ZNF532: variants seen among roughly 807,000 people sequenced by gnomAD.
The protein encoded by ZNF532 is zinc finger protein 532.
ZNF532 carries 22 observed loss-of-function variants against 89.3 expected under a neutral mutation model. That is an observed-to-expected ratio of 0.25 (90% CI 0.18 to 0.35). The LOEUF (loss-of-function observed/expected upper bound fraction) is 0.35, where lower values mean the gene tolerates loss of function less well. Among genes scored for constraint, ZNF532 ranks in the 10% least tolerant of loss-of-function variants. The pLI is 1.00. For synonymous variants in ZNF532, 606 were observed against 649.6 expected (o/e 0.93, Z 1.02); for missense variants, 1,132 against 1,643.4 (o/e 0.69, Z 5.38).
chr18:58,899,747 G>A (rs1321933322), intron 2 of ZNF532, among the ~76,000 whole-genome samples: 4 of 152,290 alleles, frequency 2.6e-5, no homozygotes, highest in African/African-American at 9.6e-5. Flanking sequence ...GATGACAGGC[G>A]TGAGCCACTG....
At chr18:58,868,058 T>C (rs2056638941) in intron 2 of ZNF532, among the ~76,000 whole-genome samples, 1 of 152,232 alleles carries the variant, frequency 6.6e-6, no homozygotes, top group Non-Finnish European at 1.5e-5. Context: ...AAATGTTCTC[T>C]TGGACTTTTC....
chr18:58,880,751 G>GATGTATATTT (rs2057814213), intron 2 of ZNF532, among the ~76,000 whole-genome samples: 1 of 80,224 alleles, frequency 1.2e-5, no homozygotes, highest in Admixed American at 1.3e-4. Flanking sequence ...CCCTCTCATA[G>GATGTATATTT]GCGCGCGCGC....
At chr18:58,963,603 A>ATGTGTGTGTGTGTGTGTGTGTGTGTG (rs60644289) in intron 7 of ZNF532, among the ~76,000 whole-genome samples, 1 of 143,778 alleles carries the variant, frequency 7.0e-6, no homozygotes, top group African/African-American at 2.6e-5. Context: ...AAAGAAAAAA[A>ATGTGTGTGTGTGTGTGTGTGTGTGTG]TGTGTGTGTG....
chr18:58,876,920 T>C (rs2057474743), intron 2 of ZNF532, among the ~76,000 whole-genome samples: 1 of 152,104 alleles, frequency 6.6e-6, no homozygotes. Flanking sequence ...ATTAGCTGGC[T>C]GTGGTGGTGT....
intron 2 of ZNF532, among the ~76,000 whole-genome samples, chr18:58,901,692 C>T (rs2059611184): frequency 1.3e-5 from 2 of 152,150 alleles, no homozygotes; most frequent in South Asian, 4.1e-4. Context: ...GATGAGTCCA[C>T]CTGCAGGGGT....
intron 5 of ZNF532, among the ~76,000 whole-genome samples, chr18:58,942,394 C>A (rs1033995176): frequency 2.9e-5 from 4 of 138,556 alleles, no homozygotes; most frequent in Non-Finnish European, 6.1e-5. Context: ...TTCCTTCCTT[C>A]CTTCCTTCCT....
At chr18:58,950,760 A>G (rs1242114494) in intron 6 of ZNF532, among the ~76,000 whole-genome samples, 13 of 152,202 alleles carry the variant, frequency 8.5e-5, no homozygotes, top group Admixed American at 8.5e-4. Context: ...TATAGGAGCT[A>G]AGGAAAAATC....
intron 2 of ZNF532, among the ~76,000 whole-genome samples, chr18:58,893,601 GA>G: frequency 6.7e-6 from 1 of 149,652 alleles, no homozygotes; most frequent in Non-Finnish European, 1.5e-5. Context: ...AGACCACAGT[GA>G]CTCGTTATCA....
chr18:58,958,065 CAAA>C (rs71336311), intron 7 of ZNF532, among the ~76,000 whole-genome samples: 12 of 124,592 alleles, frequency 9.6e-5, no homozygotes, highest in East Asian at 4.5e-4. Flanking sequence ...GACAATGTGT[CAAA>C]AAAAAAAAAA....
intron 2 of ZNF532, among the ~76,000 whole-genome samples, chr18:58,869,418 A>G (rs1056631515): frequency 1.3e-5 from 2 of 152,228 alleles, no homozygotes; most frequent in Non-Finnish European, 2.9e-5. Context: ...TGCAAGTGGT[A>G]AAATATCCTT....
At chr18:58,911,492 G>C (rs991288546) in intron 2 of ZNF532, among the ~76,000 whole-genome samples, 1 of 152,158 alleles carries the variant, frequency 6.6e-6, no homozygotes, top group Admixed American at 6.5e-5. Flanking sequence ...ACTTGGGAGG[G>C]GAGGCTGGAG....
chr18:58,961,747 A>G (rs557441530), intron 7 of ZNF532, among the ~76,000 whole-genome samples: 1 of 152,322 alleles, frequency 6.6e-6, no homozygotes, highest in African/African-American at 2.4e-5. Flanking sequence ...CAGGAGGAAG[A>G]GAGAAGTTGG....
intron 2 of ZNF532, among the ~76,000 whole-genome samples, chr18:58,884,542 T>C (rs1325573884): frequency 6.6e-6 from 1 of 152,268 alleles, no homozygotes; most frequent in Non-Finnish European, 1.5e-5. Context: ...TTTGAAGTTA[T>C]TCTTTTTCTA....
intron 7 of ZNF532, among the ~76,000 whole-genome samples, chr18:58,955,978 C>T (rs976321274): frequency 2.0e-5 from 3 of 152,190 alleles, no homozygotes; most frequent in African/African-American, 4.8e-5. Context: ...AGCTGGCCTT[C>T]GTCATCATCC....
intron 2 of ZNF532, among the ~76,000 whole-genome samples, chr18:58,893,263 G>A (rs997894545): frequency 2.6e-5 from 4 of 152,038 alleles, no homozygotes; most frequent in African/African-American, 9.7e-5. Flanking sequence ...AGGGCGTTAT[G>A]TACTTTAAAG....
At chr18:58,953,873 G>T (rs746471195) in intron 7 of ZNF532, 74 bp downstream of exon 7, 3 of 1,522,950 alleles carry the variant, frequency 2.0e-6, no homozygotes, top group Non-Finnish European at 2.6e-6. Context: ...CAAGATGTGG[G>T]CTCTTGGCTT....
At chr18:58,961,059 C>G (rs1206943805) in intron 7 of ZNF532, among the ~76,000 whole-genome samples, 1 of 152,208 alleles carries the variant, frequency 6.6e-6, no homozygotes, top group Non-Finnish European at 1.5e-5. Flanking sequence ...AACACCCTTC[C>G]TTTGACTTGG....
chr18:58,899,534 T>C (rs1232529563), intron 2 of ZNF532, among the ~76,000 whole-genome samples: 1 of 152,164 alleles, frequency 6.6e-6, no homozygotes, highest in Non-Finnish European at 1.5e-5. Flanking sequence ...AGTGGCGCGA[T>C]CTTGACTCAC....
rs781409701 is a variant in ZNF532, at chr18:58,979,183, TAACGG to T, written c.3263+21_3263+25del. On this transcript the variant is annotated intron_variant, in intron 8 of 9. Transcript: ENST00000591808. ...ACGCCTGCTCGTAAGTCCTGGTTTCTAACGGAACGCAGTGAGAGGACTCAGGAGGA... is the reference window on the plus strand; with the variant it reads ...ACGCCTGCTCGTAAGTCCTGGTTTCTAACGCAGTGAGAGGACTCAGGAGGA... The T allele has an allele frequency of 6.9e-6, 11 of 1,601,430 alleles. No individual in the cohort carries two copies. The highest frequency in any genetic ancestry group is 9.4e-6 in the Non-Finnish European group (11 of 1,169,784).
Sources: allele counts gnomAD v4.1 joint callset (sites outside exome capture counted in the v4.1 genomes callset), GRCh38; gene constraint gnomAD v4.1.1; transcripts MANE v1.5; gene names NCBI Gene and HGNC (gene_info 2026-07-23, HGNC 2026-07-21).